Variants in TM9SF4 observed in about 807,000 individuals in gnomAD.
TM9SF4 encodes the protein transmembrane 9 superfamily member 4.
Under a neutral mutation model 90.4 loss-of-function variants are expected in TM9SF4, and 26 were observed. The ratio of observed to expected loss-of-function variants is 0.29; its 90% CI spans 0.21 to 0.40. TM9SF4 has a LOEUF of 0.40. Among genes scored for constraint, TM9SF4 ranks in the 10% least tolerant of loss-of-function variants. The pLI is 1.00. For synonymous variants in TM9SF4, 293 were observed against 315.4 expected (o/e 0.93, Z 0.75); for missense variants, 549 against 834.8 (o/e 0.66, Z 4.22).
intron 1 of TM9SF4, among the ~76,000 whole-genome samples, chr20:32,126,979 C>T (rs1238277701): frequency 6.6e-6 from 1 of 152,158 alleles, no homozygotes; most frequent in Non-Finnish European, 1.5e-5. Flanking sequence ...GGTGAACCGC[C>T]CGCCTCGGCC....
At chr20:32,144,942 A>AG (rs2046739748) in intron 6 of TM9SF4, 149 bp from the exon 7 acceptor site, 1 of 689,722 alleles carries the variant, frequency 1.4e-6, no homozygotes, top group South Asian at 1.7e-5. Flanking sequence ...ATGAAAAAAA[A>AG]CCATTGTTGC....
At chr20:32,121,828 G>A (rs1459251872) in intron 1 of TM9SF4, among the ~76,000 whole-genome samples, 4 of 150,260 alleles carry the variant, frequency 2.7e-5, no homozygotes, top group African/African-American at 9.8e-5. Flanking sequence ...GGCCGGGCGG[G>A]GGGCTGAACC....
Position 32,146,889 on chromosome 20 carries a change from G to A in TM9SF4, c.954+34G>A, listed in dbSNP as rs759498568. 3 of 1,602,228 alleles carry A rather than the reference G, an allele frequency of 1.9e-6. No homozygotes were observed. In the East Asian group the frequency reaches 6.7e-5, roughly 36 times the overall value. ...TCTTGGCTGGGGAGGGATGAAGTTG[G>A]ATGGGGAGGGGAGGAGGACCGTGTG... is the stretch of plus-strand genomic sequence containing the variant. On this transcript the variant is annotated intron_variant, in intron 9 of 17. Coordinates refer to ENST00000398022, the MANE Select transcript of TM9SF4 (RefSeq NM_014742.4).
intron 17 of TM9SF4, among the ~76,000 whole-genome samples, chr20:32,163,976 GA>G (rs1236202342): frequency 6.6e-6 from 1 of 152,042 alleles, no homozygotes; most frequent in Non-Finnish European, 1.5e-5. Context: ...AAAACATCTG[GA>G]ATATGGAAGA....
chr20:32,131,506 G>GTGTGTT (rs1191078125), intron 1 of TM9SF4, among the ~76,000 whole-genome samples: 1 of 151,724 alleles, frequency 6.6e-6, no homozygotes, highest in Non-Finnish European at 1.5e-5. Context: ...GTGTGTGTGT[G>GTGTGTT]TGTTGGTTAG....
In TM9SF4 at chr20:32,135,701, G is replaced by A. The variant is rs2046585263; in HGVS notation, c.130-373G>A. 3.9e-5 allele frequency among the ~76,000 whole-genome samples: 6 copies of A among 152,222 alleles called. 1 individual carries two copies. The highest frequency in any genetic ancestry group is 7.3e-5 in the Non-Finnish European group (5 of 68,052). On this transcript the variant is annotated intron_variant, in intron 2 of 17. Transcript: ENST00000398022. ...GAGAGCTTGACTGACTCGAGGAGCT[G>A]AAGGAAGAAGATCACTATGGTTATG...
chr20:32,121,873 G>A (rs1263099096), intron 1 of TM9SF4, among the ~76,000 whole-genome samples: 1 of 149,578 alleles, frequency 6.7e-6, no homozygotes, highest in East Asian at 2.0e-4. Flanking sequence ...GGCTGGCCGG[G>A]CGGGGGGCTG....
intron 17 of TM9SF4, among the ~76,000 whole-genome samples, chr20:32,164,228 A>G (rs979776268): frequency 6.6e-6 from 1 of 151,320 alleles, no homozygotes; most frequent in Non-Finnish European, 1.5e-5. Flanking sequence ...GAATGCATAT[A>G]ACAAGAGATG....
intron 1 of TM9SF4, among the ~76,000 whole-genome samples, chr20:32,117,223 C>CA (rs34453961): frequency 0.05 from 3,394 of 67,446 alleles, 95 homozygotes; most frequent in Middle Eastern, 0.13. Context: ...GACTCTGTCT[C>CA]AAAAAAAAAA....
chr20:32,123,191 GAGGGGGA>G (rs1569053607), intron 1 of TM9SF4, among the ~76,000 whole-genome samples: 5 of 4,472 alleles, frequency 1.1e-3, no homozygotes, highest in Non-Finnish European at 1.7e-3. Flanking sequence ...GGGAGGGGGA[GAGGGGGA>G]GGGGGGAGGG....
At chr20:32,133,744 C>G (rs1483577248) in intron 2 of TM9SF4, among the ~76,000 whole-genome samples, 4 of 151,982 alleles carry the variant, frequency 2.6e-5, no homozygotes, top group Admixed American at 1.3e-4. Context: ...GAAACCGAGG[C>G]CTGGGAAGGA....
chr20:32,164,591 C>T (rs760231227), intron 17 of TM9SF4, among the ~76,000 whole-genome samples: 3 of 152,160 alleles, frequency 2.0e-5, no homozygotes, highest in Non-Finnish European at 4.4e-5. Flanking sequence ...TAGGAGAGGG[C>T]TTCAAATGGT....
intron 2 of TM9SF4, 143 bp from the exon 3 acceptor site, chr20:32,135,930 AT>A: frequency 1.6e-6 from 1 of 620,484 alleles, no homozygotes; most frequent in South Asian, 2.1e-5. Flanking sequence ...ATAATTCAGA[AT>A]TGTGGGCAGT....
At chr20:32,116,173 C>T (rs1223157202) in intron 1 of TM9SF4, 2 of 152,092 alleles carry the variant, frequency 1.3e-5, no homozygotes, top group Non-Finnish European at 2.9e-5. Context: ...TACGTTTACA[C>T]ATATGCAGCT....
intron 3 of TM9SF4, 85 bp from the exon 4 acceptor site, chr20:32,141,412 C>T (rs991360707): frequency 2.0e-6 from 3 of 1,523,992 alleles, no homozygotes; most frequent in South Asian, 1.2e-5. Flanking sequence ...CATGTTTGCC[C>T]CGCAGTCCTG....
Position 32,156,768 on chromosome 20 carries a change from G to A in TM9SF4, c.1330-1026G>A, listed in dbSNP as rs1054651279. On this transcript the variant is annotated intron_variant, in intron 13 of 17. Transcript: ENST00000398022. ...GACTACAGGTGTCACCACCACACTC[G>A]GCAATTAAAAAAAAAAATTGTAGAG... is the stretch of plus-strand genomic sequence containing the variant. Among the ~76,000 whole-genome samples, 6 of 151,416 alleles carry A rather than the reference G, an allele frequency of 4.0e-5. No homozygotes were observed. The South Asian group carries it at 8.3e-4, about 21-fold the overall frequency.
intron 10 of TM9SF4, among the ~76,000 whole-genome samples, 180 bp downstream of exon 10, chr20:32,149,946 C>T (rs2122438163): frequency 6.6e-6 from 1 of 152,176 alleles, no homozygotes; most frequent in East Asian, 1.9e-4. Context: ...CAGCCCCAGC[C>T]CAGGACTGGT....
At chr20:32,121,757 C>A (rs1321518070) in intron 1 of TM9SF4, among the ~76,000 whole-genome samples, 1 of 151,842 alleles carries the variant, frequency 6.6e-6, no homozygotes, top group Non-Finnish European at 1.5e-5. Flanking sequence ...CAGAGGGGCT[C>A]CTCACTTCCC....
rs558286172 is a variant in TM9SF4, at chr20:32,155,025, T to G, written c.1246-78T>G. 12 of 1,046,364 alleles carry G rather than the reference T, an allele frequency of 1.1e-5. No individual in the cohort carries two copies. The East Asian group carries it at 1.4e-4, about 12-fold the overall frequency. The allele number at this position is 1,046,364 out of a possible 1,614,324, so 64.8% of individuals were successfully genotyped here. On this transcript the variant is annotated intron_variant, in intron 12 of 17. Coordinates refer to ENST00000398022, the MANE Select transcript of TM9SF4 (RefSeq NM_014742.4). ...GAAAGACAAGGAGGGCTTAAGAGCTTCTGGTCTGGGGGCCCCACCGGGACA... is the reference window on the plus strand; with the variant it reads ...GAAAGACAAGGAGGGCTTAAGAGCTGCTGGTCTGGGGGCCCCACCGGGACA...
Sources: allele counts gnomAD v4.1 joint callset (sites outside exome capture counted in the v4.1 genomes callset), GRCh38; gene constraint gnomAD v4.1.1; transcripts MANE v1.5; gene names NCBI Gene and HGNC (gene_info 2026-07-23, HGNC 2026-07-21).